Variants in ZBTB1 observed in about 807,000 individuals in gnomAD.
The protein encoded by ZBTB1 is zinc finger and BTB domain containing 1, also known as zinc finger and BTB domain-containing protein 1.
Under a neutral mutation model 51.6 loss-of-function variants are expected in ZBTB1, and 13 were observed. The ratio of observed to expected loss-of-function variants is 0.25; its 90% CI spans 0.16 to 0.40. The LOEUF is 0.40. Ranked by LOEUF, ZBTB1 falls within the 10% of genes least tolerant of loss-of-function variation. The probability of loss-of-function intolerance (pLI) is 1.00; values close to 1 mark genes in which losing one functional copy is unlikely to be tolerated. For synonymous variants in ZBTB1, 240 were observed against 282.2 expected, an observed-to-expected ratio of 0.85 and a Z score of 1.50; for missense variants, 567 against 856.5, an observed-to-expected ratio of 0.66 and a Z score of 4.22.
At chr14:64,526,703 T>C (rs887015663), downstream of ZBTB1, among the ~76,000 whole-genome samples, 1 of 152,114 alleles carries the variant, frequency 6.6e-6, no homozygotes, top group Non-Finnish European at 1.5e-5. Flanking sequence ...AGCAGTAGAT[T>C]AGGACTCAGA....
chr14:64,522,096 G>C lies in ZBTB1; in HGVS notation c.592G>C (p.Val198Leu). The change falls in exon 2 of 2, where the codon GTG (valine) becomes CTG (leucine). Residue 198 changes from valine (V) to leucine (L), a missense_variant. Val to Leu is a conservative substitution (Grantham distance 32). Transcript: ENST00000683701. Reference protein sequence around the residue: ...PLFDVCKKSSVSKLSTPKERV... With the variant: ...PLFDVCKKSSLSKLSTPKERV... Reference sequence around the variant, plus strand: ...ATTTGATGTATGTAAAAAAAGTTCCGTGTCCAAATTATCTACTCCAAAAGA... The same window carrying C: ...ATTTGATGTATGTAAAAAAAGTTCCCTGTCCAAATTATCTACTCCAAAAGA... 6.2e-7 allele frequency: 1 copy of C among 1,614,124 alleles called. No homozygotes were observed. The highest frequency in any genetic ancestry group is 8.5e-7 in the Non-Finnish European group (1 of 1,180,018).
At chr14:64,511,391 T>C (rs1331570579) in intron 1 of ZBTB1, 3 of 152,202 alleles carry the variant, frequency 2.0e-5, no homozygotes, top group Non-Finnish European at 4.4e-5. Flanking sequence ...GTGGGTAAGT[T>C]CATTTCTTAG....
At chr14:64,509,277 G>T (rs762521910) in intron 1 of ZBTB1, among the ~76,000 whole-genome samples, 1 of 152,194 alleles carries the variant, frequency 6.6e-6, no homozygotes. Context: ...GACTGAGGTG[G>T]GAGGAACGCT....
In ZBTB1 at chr14:64,507,206, A is replaced by G. The variant is rs112135698; in HGVS notation, c.-19+2260A>G. On this transcript the variant is annotated intron_variant, in intron 1 of 1. Coordinates refer to ENST00000683701, the MANE Select transcript of ZBTB1 (RefSeq NM_001123329.2). ...TGTCTTCCCAAAAAAAATGAGGTAT[A>G]TTTGAGAAACATCTTCTTGAGAGGT... Among the ~76,000 whole-genome samples, 27 of 152,298 alleles carry G rather than the reference A, an allele frequency of 1.8e-4. 1 individual carries two copies. Among genetic ancestry groups the G allele is most frequent in the African/African-American group, 5.8e-4 (24 of 41,572 alleles).
At chr14:64,514,724 CA>C (rs1229150835) in intron 1 of ZBTB1, among the ~76,000 whole-genome samples, 1 of 152,190 alleles carries the variant, frequency 6.6e-6, no homozygotes, top group Admixed American at 6.5e-5. Flanking sequence ...ATCACTTGCT[CA>C]ATAGCATCCA....
In ZBTB1 at chr14:64,523,139, T is replaced by C; in HGVS notation, c.1635T>C (p.Thr545=). The change falls in exon 2 of 2, where the codon ACT becomes ACC. Residue 545 remains threonine, a synonymous_variant. Transcript: ENST00000683701. This position sits in a 1 kb window ranked among gnomAD's most constrained non-coding sequence, Gnocchi z 4.5. ...CTAATTGTGGCCAGCGTTTTGAAAC[T>C]GAAAATCTAGTGGTTGAACATATGT... ...RCPNCGQRFE[T]ENLVVEHMSS... The C allele has an allele frequency of 6.2e-7, 1 of 1,614,230 alleles. No homozygotes were observed. The highest frequency in any genetic ancestry group is 8.5e-7 in the Non-Finnish European group (1 of 1,180,026).
chr14:64,522,045 C>A lies in ZBTB1; in HGVS notation c.541C>A (p.Gln181Lys). Residue 181 changes from glutamine to lysine, a missense_variant, in exon 2 of 2, where the codon CAA becomes AAA. Around this residue, in one of 5 missense-constraint regions of ZBTB1, gnomAD observed 26 missense variants for 67.0 expected, o/e 0.39. Coordinates refer to ENST00000683701, the MANE Select transcript of ZBTB1 (RefSeq NM_001123329.2). The part of the protein sequence containing the change: ...HNREADEESL[Q>K]LGNFPEPLFD... ...TAGAGAGGCTGATGAAGAGTCTTTA[C>A]AATTAGGTAATTTTCCTGAGCCACT... 1 of 1,614,160 alleles carries A rather than the reference C, an allele frequency of 6.2e-7. No homozygotes were observed. The highest frequency in any genetic ancestry group is 1.1e-5 in the South Asian group (1 of 91,080).
chr14:64,523,607 G>A lies in ZBTB1; in HGVS notation c.2103G>A (p.Met701Ile), dbSNP rs1333553536. The A allele has an allele frequency of 1.3e-6, 2 of 1,551,606 alleles. No homozygotes were observed. The highest frequency in any genetic ancestry group is 1.7e-6 in the Non-Finnish European group (2 of 1,146,930). The change falls in exon 2 of 2, where the codon ATG becomes ATA. Residue 701 changes from methionine to isoleucine, a missense_variant. Physicochemically the swap from Met to Ile is conservative, Grantham distance 10. Around this residue, in one of 5 missense-constraint regions of ZBTB1, gnomAD observed 69 missense variants for 171.8 expected, o/e 0.40. Transcript: ENST00000683701. This position sits in a 1 kb window ranked among gnomAD's most constrained non-coding sequence, Gnocchi z 4.5. ...CAAAATTTAATTTGAGGAAAGATAT[G>A]AGATCACATTATAATGCCAAGCATT... is the stretch of plus-strand genomic sequence containing the variant. The part of the protein sequence containing the change: ...CGAKFNLRKD[M>I]RSHYNAKHLK...
intron 1 of ZBTB1, chr14:64,518,518 CG>C (rs2079820874): frequency 6.6e-6 from 1 of 151,974 alleles, no homozygotes; most frequent in Admixed American, 6.6e-5. Flanking sequence ...GTAAAAGGGG[CG>C]TATGACCCAT....
intron 1 of ZBTB1, among the ~76,000 whole-genome samples, chr14:64,510,551 A>G (rs1425204750): frequency 6.6e-6 from 1 of 152,222 alleles, no homozygotes; most frequent in Non-Finnish European, 1.5e-5. Flanking sequence ...CAAAGAACCA[A>G]TCGGCATGAG....
chr14:64,525,920 A>G (rs368788364), downstream of ZBTB1, among the ~76,000 whole-genome samples: 1 of 152,072 alleles, frequency 6.6e-6, no homozygotes, highest in Non-Finnish European at 1.5e-5. Flanking sequence ...TCCCAGAATC[A>G]AGCAGTTGTC....
upstream of ZBTB1, chr14:64,503,745 C>T (rs1486968027): frequency 2.9e-6 from 1 of 342,506 alleles, no homozygotes; most frequent in African/African-American, 2.2e-5. Flanking sequence ...GTGGCGCCGG[C>T]TCACGCACCC....
In ZBTB1 at chr14:64,524,311, CTT is replaced by C. The variant is rs915109161; in HGVS notation, c.*666_*667del. 8.8e-5 allele frequency: 83 copies of C among 944,054 alleles called. No homozygotes were observed. Among genetic ancestry groups the C allele is most frequent in the Middle Eastern group, 5.5e-4 (1 of 1,828 alleles). 58.5% of individuals were successfully genotyped at this position (944,054 alleles called of 1,614,324 possible). On this transcript the variant is annotated 3_prime_UTR_variant, in exon 2 of 2. Transcript: ENST00000683701. ...TATCATTTAATTATCACATTTAAAA[CTT>C]ATATTAAGTGTAAATTCCAGTGGCT...
At chr14:64,531,537 A>C (rs909642638) in intron 2 of ZBTB1, among the ~76,000 whole-genome samples, 3 of 152,190 alleles carry the variant, frequency 2.0e-5, no homozygotes, top group African/African-American at 7.2e-5. Context: ...ATTTTATTTG[A>C]AGGAAAACAC....
rs1158568831 is a variant in ZBTB1 at position 64,524,909 on chromosome 14, T to C, written c.*1263T>C. On this transcript the variant is annotated 3_prime_UTR_variant, in exon 2 of 2. Coordinates refer to ENST00000683701, the MANE Select transcript of ZBTB1 (RefSeq NM_001123329.2). ...ACATAATTACATGTGAATTAAAACA[T>C]TGGCAAAACTGACCCACCAATAAAC... 2.7e-5 allele frequency: 27 copies of C among 985,376 alleles called. No homozygotes were observed. The highest frequency in any genetic ancestry group is 3.3e-5 in the Non-Finnish European group (27 of 829,900). 61.0% of individuals were successfully genotyped at this position (985,376 alleles called of 1,614,324 possible).
intron 1 of ZBTB1, chr14:64,514,040 C>T (rs1007864237): frequency 2.6e-5 from 4 of 152,144 alleles, no homozygotes; most frequent in African/African-American, 9.7e-5. Flanking sequence ...TATTGTACAC[C>T]ATCCTTCTCC....
intron 1 of ZBTB1, among the ~76,000 whole-genome samples, chr14:64,512,979 A>G (rs1165078432): frequency 6.6e-6 from 1 of 152,166 alleles, no homozygotes; most frequent in Non-Finnish European, 1.5e-5. Flanking sequence ...TCTCTTTGTG[A>G]TATTACAAAG....
chr14:64,529,282 C>G (rs145498190), downstream of ZBTB1, among the ~76,000 whole-genome samples: 1,568 of 152,200 alleles, frequency 0.01, 32 homozygotes, highest in Non-Finnish European at 0.011. Context: ...TGTCTGTGAC[C>G]TTTTCTTCCT....
intron 1 of ZBTB1, 180 bp downstream of exon 1, chr14:64,505,126 C>T (rs1268780216): frequency 5.8e-6 from 2 of 344,330 alleles, no homozygotes; most frequent in Non-Finnish European, 1.0e-5. Context: ...CTGCTTGTTG[C>T]CGGCGCGTCA....
Sources: gnomAD v4.1 joint callset for allele counts (sites outside exome capture counted in the v4.1 genomes callset) on GRCh38, gnomAD v4.1.1 for gene constraint, gnomAD v4.1.1 regional missense constraint, Gnocchi (gnomAD v3.1) non-coding constraint, MANE v1.5 for transcripts, NCBI Gene and HGNC (gene_info 2026-07-23, HGNC 2026-07-21) for gene names.